The following ARPC1A variants were observed in gnomAD, a reference collection of about 807,000 sequenced individuals.
The protein encoded by ARPC1A is actin related protein 2/3 complex subunit 1A.
In ARPC1A, 8 loss-of-function variants were observed where a neutral mutation model predicts 46.9. That is an observed-to-expected ratio of 0.17 (90% CI 0.10 to 0.31). The LOEUF is 0.31. Among genes scored for constraint, ARPC1A ranks in the 10% least tolerant of loss-of-function variants. The pLI is 1.00. For synonymous variants in ARPC1A, 152 were observed against 169.0 expected, an observed-to-expected ratio of 0.90 and a Z score of 0.78; for missense variants, 286 against 483.6, an observed-to-expected ratio of 0.59 and a Z score of 3.83.
chr7:99,359,923 G>C, intron 8 of ARPC1A, 185 bp downstream of exon 8: 1 of 694,982 alleles, frequency 1.4e-6, no homozygotes, highest in Admixed American at 2.6e-5. Flanking sequence ...GTGGTAGGGA[G>C]GGAGTCGCCA....
intron 8 of ARPC1A, 55 bp downstream of exon 8, chr7:99,359,793 G>T (rs552682561): frequency 1.9e-6 from 3 of 1,585,958 alleles, no homozygotes; most frequent in Middle Eastern, 3.3e-4. Context: ...CCTGCCCCTC[G>T]CTGTTTCCTT....
intron 4 of ARPC1A, among the ~76,000 whole-genome samples, chr7:99,345,115 A>G (rs1241960801): frequency 6.6e-5 from 10 of 151,226 alleles, no homozygotes; most frequent in Admixed American, 6.6e-4. Flanking sequence ...TTGTAGTTTT[A>G]GTAGAGACAA....
At chr7:99,353,831 G>A (rs1271830152) in intron 5 of ARPC1A, 78 bp from the exon 6 acceptor site, 2 of 1,376,420 alleles carry the variant, frequency 1.5e-6, no homozygotes, top group Non-Finnish European at 2.0e-6. Context: ...GAGATTCCTT[G>A]TGGCAGCTGC....
Position 99,344,302 on chromosome 7 carries a change from G to A in ARPC1A, c.179G>A (p.Trp60Ter), listed in dbSNP as rs1175568269. The change falls in exon 4 of 10, where the codon TGG (tryptophan) becomes TAG (stop). Residue 60 changes from tryptophan to a stop codon, truncating the protein, a stop_gained. Coordinates refer to ENST00000262942, the MANE Select transcript of ARPC1A (RefSeq NM_006409.4). LOFTEE classifies it high-confidence loss of function. ...EHNGHITGID[W>*]APKSDRIVTC... ...CATGTCTCACTTGCAGGTATTGACT[G>A]GGCTCCCAAGAGCGACCGCATTGTC... 1 of 1,613,862 alleles carries A rather than the reference G, an allele frequency of 6.2e-7. No individual in the cohort carries two copies. The highest frequency in any genetic ancestry group is 8.5e-7 in the Non-Finnish European group (1 of 1,179,860).
intron 3 of ARPC1A, among the ~76,000 whole-genome samples, chr7:99,343,219 C>A (rs947529033): frequency 5.3e-5 from 8 of 152,018 alleles, no homozygotes; most frequent in Non-Finnish European, 1.2e-4. Flanking sequence ...ATAATCCCAG[C>A]ACTTTGGAGG....
chr7:99,361,228 C>T (rs1793734774), intron 8 of ARPC1A, among the ~76,000 whole-genome samples: 1 of 152,046 alleles, frequency 6.6e-6, no homozygotes, highest in Non-Finnish European at 1.5e-5. Context: ...AGAGACCTGG[C>T]ACCATGTCTC....
intron 7 of ARPC1A, 85 bp from the exon 8 acceptor site, chr7:99,359,460 G>T: frequency 2.5e-5 from 30 of 1,214,392 alleles, no homozygotes; most frequent in Non-Finnish European, 3.3e-5. Flanking sequence ...AAAAGAGTAA[G>T]AGAGGCCTGT....
intron 5 of ARPC1A, among the ~76,000 whole-genome samples, chr7:99,353,227 CA>C (rs1793576378): frequency 6.6e-6 from 1 of 151,846 alleles, no homozygotes; most frequent in African/African-American, 2.4e-5. Context: ...GGCGCAATCT[CA>C]GCTCACTGCA....
intron 5 of ARPC1A, among the ~76,000 whole-genome samples, chr7:99,350,717 C>T (rs1425496870): frequency 7.2e-6 from 1 of 139,650 alleles, no homozygotes. Flanking sequence ...GCGATCATAG[C>T]TCCCTGCAGC....
chr7:99,359,740 T>C lies in ARPC1A; in HGVS notation c.983+2T>C. 1 of 1,614,080 alleles carries C rather than the reference T, an allele frequency of 6.2e-7. No homozygotes were observed. Among genetic ancestry groups the C allele is most frequent in the South Asian group, 1.1e-5 (1 of 91,086 alleles). ...GACGCTGCACCAGAATAGCATCACG[T>C]AGGTGCCGTCTGTAGAGAGGTGGTC... On this transcript the variant is annotated splice_donor_variant, in intron 8 of 9. Coordinates refer to ENST00000262942, the MANE Select transcript of ARPC1A (RefSeq NM_006409.4). LOFTEE classifies it high-confidence loss of function.
At chr7:99,332,269 C>T (rs1406238669) in intron 1 of ARPC1A, among the ~76,000 whole-genome samples, 1 of 152,132 alleles carries the variant, frequency 6.6e-6, no homozygotes, top group Non-Finnish European at 1.5e-5. Context: ...TTTATTTTTG[C>T]TCTCAGAAGT....
intron 4 of ARPC1A, among the ~76,000 whole-genome samples, chr7:99,347,110 C>A (rs948421826): frequency 6.6e-6 from 1 of 152,042 alleles, no homozygotes; most frequent in Non-Finnish European, 1.5e-5. Context: ...CTCTCTGTCA[C>A]CCAGTCTGGA....
rs1000097630 is a variant in ARPC1A, at chr7:99,353,762, A to T, written c.501-147A>T. On this transcript the variant is annotated intron_variant, in intron 5 of 9. Transcript: ENST00000262942. ...CCAAAGTGCTAGGATTACAGGCTTG[A>T]GCCACCGTGCCCAGCTCATGTTTTA... The T allele has an allele frequency of 1.7e-5, 13 of 761,430 alleles. No individual in the cohort carries two copies. The African/African-American group carries it at 2.1e-4, about 13-fold the overall frequency. 47.2% of individuals were successfully genotyped at this position (761,430 alleles called of 1,614,324 possible). A position where few individuals can be genotyped will look rare whatever the true frequency, so the allele number is the denominator to read the frequency against.
In ARPC1A at chr7:99,366,128, G is replaced by A. The variant is rs1028510206; in HGVS notation, c.*199G>A. 7 of 624,596 alleles carry A rather than the reference G, an allele frequency of 1.1e-5. No individual in the cohort carries two copies. The highest frequency in any genetic ancestry group is 3.7e-5 in the African/African-American group (2 of 53,922). The allele number at this position is 624,596 out of a possible 1,614,324, so 38.7% of individuals were successfully genotyped here. ...GTAATTTTTTTGTTTGTTTTTTTGC[G>A]ATTTCATTCCATTCTTGACCAAAGC... On this transcript the variant is annotated 3_prime_UTR_variant, in exon 10 of 10. Transcript: ENST00000262942.
chr7:99,353,113 TTTATGTTATGTTATGTTATG>T (rs201492356), intron 5 of ARPC1A, among the ~76,000 whole-genome samples: 277 of 136,710 alleles, frequency 2.0e-3, no homozygotes, highest in East Asian at 8.2e-3. Flanking sequence ...TTTAGTTTAG[TTTATGTTATGTTATGTTATG>T]TTATGTTATG....
chr7:99,362,329 C>T (rs1210231254), intron 8 of ARPC1A, among the ~76,000 whole-genome samples: 3 of 141,778 alleles, frequency 2.1e-5, no homozygotes, highest in South Asian at 2.3e-4. Context: ...TGTAAAACCC[C>T]GCCCCCCTTT....
rs1446675553 is a variant in ARPC1A, at chr7:99,366,106, AT to A, written c.*184del. 6 of 738,520 alleles carry A rather than the reference AT, an allele frequency of 8.1e-6. No individual in the cohort carries two copies. The highest frequency in any genetic ancestry group is 5.9e-5 in the South Asian group (3 of 50,930). 45.7% of individuals were successfully genotyped at this position (738,520 alleles called of 1,614,324 possible). A position where few individuals can be genotyped will look rare whatever the true frequency, so the allele number is the denominator to read the frequency against. ...AAGTGTTGGTTTTTTTAAGGCAGTA[AT>A]TTTTTTGTTTGTTTTTTTGCGATTT... On this transcript the variant is annotated 3_prime_UTR_variant, in exon 10 of 10. Coordinates refer to ENST00000262942, the MANE Select transcript of ARPC1A (RefSeq NM_006409.4).
chr7:99,344,195 C>T (rs1793400666), intron 3 of ARPC1A, 98 bp from the exon 4 acceptor site: 10 of 1,105,418 alleles, frequency 9.0e-6, no homozygotes, highest in Non-Finnish European at 1.1e-5. Flanking sequence ...GGTCCCAAGA[C>T]CACGTCTCAT....
At chr7:99,339,542 G>C (rs937011525) in intron 3 of ARPC1A, among the ~76,000 whole-genome samples, 1 of 152,206 alleles carries the variant, frequency 6.6e-6, no homozygotes, top group Admixed American at 6.5e-5. Context: ...AAAGAAAAAA[G>C]AGAAAACAAT....
Sources: allele counts gnomAD v4.1 joint callset (sites outside exome capture counted in the v4.1 genomes callset), GRCh38; gene constraint gnomAD v4.1.1; transcripts MANE v1.5; gene names NCBI Gene and HGNC (gene_info 2026-07-23, HGNC 2026-07-21).